The following DEDD2 variants were observed in gnomAD, a reference collection of about 807,000 sequenced individuals.
DEDD2 encodes death effector domain containing 2.
A neutral mutation model predicts 28.9 loss-of-function variants in DEDD2; 18 were observed. The observed-to-expected ratio is 0.62, with a 90% CI of 0.43 to 0.92. The LOEUF (loss-of-function observed/expected upper bound fraction) is 0.92, where lower values mean the gene tolerates loss of function less well. Ranked by LOEUF, DEDD2 falls within the 40% of genes least tolerant of loss-of-function variation. The probability of loss-of-function intolerance (pLI) is 0.00; values close to 1 mark genes in which losing one functional copy is unlikely to be tolerated. For synonymous variants in DEDD2, 211 were observed against 206.1 expected (o/e 1.02, Z -0.20); for missense variants, 411 against 463.3 (o/e 0.89, Z 1.04).
rs2035216044 is a variant in DEDD2, at chr19:42,199,058, G to A, written c.*380C>T. The A allele has an allele frequency of 4.5e-6, 1 of 220,564 alleles. No homozygotes were observed. Among genetic ancestry groups the A allele is most frequent in the African/African-American group, 2.3e-5 (1 of 43,606 alleles). 13.7% of individuals were successfully genotyped at this position (220,564 alleles called of 1,614,324 possible). ...AGAGGCCCAGGGAAGATCTCAGCAG[G>A]GGCAGTGTGAGCATGAGCGAGTGTG... On this transcript the variant is annotated 3_prime_UTR_variant, in exon 5 of 5. Transcript: ENST00000596251. The surrounding 1 kb of genome is among the most constrained non-coding windows in gnomAD (Gnocchi z 7.4).
chr19:42,202,924 C>A lies in DEDD2; in HGVS notation c.590-3095G>T, dbSNP rs146575786. ...CCTTAGCACCCAATCACGTGCTTTA[C>A]CCCTCCCCAAAATAATCACAACAGG... On this transcript the variant is annotated intron_variant, in intron 4 of 4. Transcript: ENST00000596251. Among the ~76,000 whole-genome samples, 915 of 152,320 alleles carry A rather than the reference C, an allele frequency of 6.0e-3. 9 individuals are homozygous for A. The highest frequency in any genetic ancestry group is 0.02 in the African/African-American group (850 of 41,564).
intron 4 of DEDD2, among the ~76,000 whole-genome samples, chr19:42,209,484 C>T (rs528516182): frequency 6.6e-6 from 1 of 152,236 alleles, no homozygotes; most frequent in South Asian, 2.1e-4. Flanking sequence ...GGAAAGGCTT[C>T]CTGAAGGAGG....
At chr19:42,211,723 G>A (rs914533786) in intron 3 of DEDD2, among the ~76,000 whole-genome samples, 1 of 152,140 alleles carries the variant, frequency 6.6e-6, no homozygotes, top group African/African-American at 2.4e-5. Flanking sequence ...GTTATTAAGA[G>A]GAAAGACTTT....
chr19:42,212,802 T>G (rs1267619510), intron 3 of DEDD2, among the ~76,000 whole-genome samples: 1 of 152,090 alleles, frequency 6.6e-6, no homozygotes, highest in Non-Finnish European at 1.5e-5. Context: ...TCTTACTATA[T>G]TGCCCAGGCT....
rs1018129416 is a variant in DEDD2, at chr19:42,202,823, T to A, written c.590-2994A>T. Among the ~76,000 whole-genome samples the A allele has an allele frequency of 3.9e-5, 6 of 152,280 alleles. No individual in the cohort carries two copies. The East Asian group carries it at 1.2e-3, about 29-fold the overall frequency. On this transcript the variant is annotated intron_variant, in intron 4 of 4. Transcript: ENST00000596251. ...ACCTCTGAGCTGGAAAACATGATCA[T>A]GGTGCACAGGGAAAAGACAGGGAGG...
At chr19:42,211,053 G>A (rs1339840177) in intron 3 of DEDD2, among the ~76,000 whole-genome samples, 2 of 145,916 alleles carry the variant, frequency 1.4e-5, no homozygotes, top group East Asian at 4.1e-4. Context: ...CAGGGTGACA[G>A]TGTGAGACCC....
At chr19:42,209,424 C>T (rs564939221) in intron 4 of DEDD2, among the ~76,000 whole-genome samples, 27 of 152,048 alleles carry the variant, frequency 1.8e-4, no homozygotes, top group Non-Finnish European at 2.8e-4. Flanking sequence ...AAGTAAACCC[C>T]GGCAGATGTT....
At position 42,209,778 on chromosome 19, in the gene DEDD2, G is replaced by A. The variant is rs762583652; in HGVS notation, c.511C>T (p.Arg171Trp). The A allele has an allele frequency of 3.9e-5, 62 of 1,595,320 alleles. No homozygotes were observed. The highest frequency in any genetic ancestry group is 1.2e-4 in the Admixed American group (7 of 57,026). Residue 171 changes from arginine to tryptophan, a missense_variant, in exon 4 of 5, where the codon CGG becomes TGG. Transcript: ENST00000596251. ...GGTGCGGCTGGGGCCCCTCTCCGCCGCCGTCTGGCACCACCACTGGGCCGG... is the reference window on the plus strand; with the variant it reads ...GGTGCGGCTGGGGCCCCTCTCCGCCACCGTCTGGCACCACCACTGGGCCGG... The part of the protein sequence containing the change: ...RGRPSGGARR[R>W]RRGAPAAPQQ...
At chr19:42,218,237 C>CA (rs1051576627), upstream of DEDD2, among the ~76,000 whole-genome samples, 1 of 151,560 alleles carries the variant, frequency 6.6e-6, no homozygotes, top group African/African-American at 2.4e-5. Flanking sequence ...CCCGCCCCCC[C>CA]ACCACCACCC....
At chr19:42,209,517 A>G (rs1322085171) in intron 4 of DEDD2, among the ~76,000 whole-genome samples, 183 bp downstream of exon 4, 2 of 152,226 alleles carry the variant, frequency 1.3e-5, no homozygotes, top group African/African-American at 4.8e-5. Flanking sequence ...TGATCCTTCA[A>G]CAATGGACAG....
At position 42,215,120 on chromosome 19, in the gene DEDD2, C is replaced by T. The variant is rs1368312071; in HGVS notation, c.448+13G>A. ...GAGGGATGCTGCCATTACACCCACC[C>T]AGCTGGGCTCACCTGTCTCCCACTG... On this transcript the variant is annotated intron_variant, in intron 3 of 4. Transcript: ENST00000596251. 3 of 1,613,578 alleles carry T rather than the reference C, an allele frequency of 1.9e-6. No homozygotes were observed.
At position 42,199,964 on chromosome 19, in the gene DEDD2, C is replaced by A; in HGVS notation, c.590-135G>T. 2 of 1,350,328 alleles carry A rather than the reference C, an allele frequency of 1.5e-6. No homozygotes were observed. The highest frequency in any genetic ancestry group is 2.0e-6 in the Non-Finnish European group (2 of 1,010,310). The allele number at this position is 1,350,328 out of a possible 1,614,324, so 83.6% of individuals were successfully genotyped here. A position where few individuals can be genotyped will look rare whatever the true frequency, so the allele number is the denominator to read the frequency against. Reference sequence around the variant, plus strand: ...CACACCCTAGTCCTGACACAGCCTCCCCGGCTCTGTGGGGTTCCCTGACCA... The same window carrying A: ...CACACCCTAGTCCTGACACAGCCTCACCGGCTCTGTGGGGTTCCCTGACCA... On this transcript the variant is annotated intron_variant, in intron 4 of 4. Coordinates refer to ENST00000596251, the MANE Select transcript of DEDD2 (RefSeq NM_133328.4). The surrounding 1 kb of genome is among the most constrained non-coding windows in gnomAD (Gnocchi z 7.4).
At chr19:42,215,972 C>T (rs915076265) in intron 2 of DEDD2, among the ~76,000 whole-genome samples, 3 of 152,128 alleles carry the variant, frequency 2.0e-5, no homozygotes, top group African/African-American at 7.2e-5. Flanking sequence ...TTCTTACCTC[C>T]CTCTCTTCCC....
chr19:42,207,115 G>A (rs2035564860), intron 4 of DEDD2, among the ~76,000 whole-genome samples: 1 of 152,276 alleles, frequency 6.6e-6, no homozygotes, highest in Middle Eastern at 3.4e-3. Context: ...ATTACTGGCT[G>A]ATTCGAGGGG....
At chr19:42,209,884 C>T (rs753624506) in intron 3 of DEDD2, 44 bp from the exon 4 acceptor site, 2 of 1,487,928 alleles carry the variant, frequency 1.3e-6, no homozygotes, top group Non-Finnish European at 1.8e-6. Flanking sequence ...AGGATGACAG[C>T]TAGAGTGCCC....
At chr19:42,204,386 G>A (rs2035446401) in intron 4 of DEDD2, 1 of 152,066 alleles carries the variant, frequency 6.6e-6, no homozygotes, top group Non-Finnish European at 1.5e-5. Context: ...CCTTGGTGAT[G>A]AGTGAGTTCT....
At chr19:42,218,890 G>A (rs2036075658), upstream of DEDD2, among the ~76,000 whole-genome samples, 1 of 151,996 alleles carries the variant, frequency 6.6e-6, no homozygotes, top group Admixed American at 6.6e-5. Context: ...GTGGTGGCAC[G>A]CGCCTGAAAT....
At chr19:42,200,192 G>A (rs1050136152) in intron 4 of DEDD2, among the ~76,000 whole-genome samples, 1 of 152,190 alleles carries the variant, frequency 6.6e-6, no homozygotes, top group Non-Finnish European at 1.5e-5. Flanking sequence ...CCTCTCTGCA[G>A]CATGCCAGGT....
intron 4 of DEDD2, chr19:42,201,731 G>T: frequency 2.8e-6 from 1 of 354,834 alleles, no homozygotes. Context: ...GGCTCTAGGG[G>T]AACCCCATCC....
Sources: allele counts gnomAD v4.1 joint callset (sites outside exome capture counted in the v4.1 genomes callset), GRCh38; gene constraint gnomAD v4.1.1; non-coding constraint Gnocchi (gnomAD v3.1); transcripts MANE v1.5; gene names NCBI Gene and HGNC (gene_info 2026-07-23, HGNC 2026-07-21).